Variants in TSHZ3 observed in about 807,000 individuals in gnomAD.
TSHZ3 encodes the protein teashirt zinc finger homeobox 3.
In TSHZ3, 10 loss-of-function variants were observed where a neutral mutation model predicts 64.5. The ratio of observed to expected loss-of-function variants is 0.16; its 90% CI spans 0.10 to 0.26. The LOEUF is 0.26. Among genes scored for constraint, TSHZ3 ranks in the 10% least tolerant of loss-of-function variants. The probability of loss-of-function intolerance (pLI) is 1.00; values close to 1 mark genes in which losing one functional copy is unlikely to be tolerated. For synonymous variants in TSHZ3, 608 were observed against 593.1 expected, an observed-to-expected ratio of 1.03 and a Z score of -0.36; for missense variants, 1,242 against 1,421.7, an observed-to-expected ratio of 0.87 and a Z score of 2.03.
intron 5 of TSHZ3, among the ~76,000 whole-genome samples, chr19:31,183,093 C>CT (rs1330706219): frequency 6.6e-6 from 1 of 152,056 alleles, no homozygotes; most frequent in African/African-American, 2.4e-5. Context: ...AACATCAACC[C>CT]TTCCCTGAGT....
chr19:31,164,491 C>G (rs1353118069), intron 5 of TSHZ3, among the ~76,000 whole-genome samples: 1 of 152,124 alleles, frequency 6.6e-6, no homozygotes. Context: ...GTGCTTGGCA[C>G]AGAGCACACA....
rs796748783 is a variant in TSHZ3 at position 31,171,683 on chromosome 19, C to T, written n.810-15266G>A. On this transcript the variant is annotated intron_variant and non_coding_transcript_variant, in intron 5 of 6. Transcript: ENST00000651361. ...GTTTCAAAAGAAAAGATATAATGGC[C>T]TATAAAAGGTATTTATGCCCAATAA... 4.6e-5 allele frequency among the ~76,000 whole-genome samples: 7 copies of T among 152,140 alleles called. 1 individual carries two copies. The highest frequency in any genetic ancestry group is 1.7e-4 in the African/African-American group (7 of 41,512).
intron 3 of TSHZ3, among the ~76,000 whole-genome samples, chr19:31,241,745 C>A (rs1975692496): frequency 6.6e-6 from 1 of 152,238 alleles, no homozygotes; most frequent in Non-Finnish European, 1.5e-5. Context: ...ACTATTACAA[C>A]CCCGGCAGGG....
At chr19:31,212,577 C>G (rs901700376) in intron 4 of TSHZ3, among the ~76,000 whole-genome samples, 2 of 152,122 alleles carry the variant, frequency 1.3e-5, no homozygotes, top group Non-Finnish European at 2.9e-5. Flanking sequence ...TAGACAAAAT[C>G]GAGAACACTG....
chr19:31,157,879 C>G (rs988217435), intron 5 of TSHZ3, among the ~76,000 whole-genome samples: 1 of 152,136 alleles, frequency 6.6e-6, no homozygotes, highest in East Asian at 1.9e-4. Context: ...ATGCAGGCCT[C>G]GATGTTTGAG....
At chr19:31,332,278 A>T (rs1477283101) in intron 1 of TSHZ3, among the ~76,000 whole-genome samples, 1 of 152,012 alleles carries the variant, frequency 6.6e-6, no homozygotes, top group African/African-American at 2.4e-5. Context: ...TGCGGCTCCC[A>T]CTCGCTCTGC....
Position 31,345,450 on chromosome 19 carries a change from T to C in TSHZ3, c.40+3730A>G, listed in dbSNP as rs147419309. Reference sequence around the variant, plus strand: ...CACCAGGTGGGCCACCTCTTAGGCATGCCCATGTCTACTGGCAACATGGAA... The same window carrying C: ...CACCAGGTGGGCCACCTCTTAGGCACGCCCATGTCTACTGGCAACATGGAA... On this transcript the variant is annotated intron_variant, in intron 1 of 1. Transcript: ENST00000240587. 1.2e-4 allele frequency among the ~76,000 whole-genome samples: 19 copies of C among 152,320 alleles called. No homozygotes were observed. In the East Asian group the frequency reaches 1.9e-3, roughly 15 times the overall value.
rs1976266440 is a variant in TSHZ3 at position 31,277,602 on chromosome 19, T to C, written c.2191A>G (p.Ile731Val). The change falls in exon 2 of 2, where the codon ATT (isoleucine) becomes GTT (valine). Residue 731 changes from isoleucine to valine, a missense_variant. By Grantham distance (29) the Ile-to-Val change is conservative. This residue lies in a region of TSHZ3 where 550 missense variants were observed against 545.1 expected (regional missense o/e 1.01). Transcript: ENST00000240587. The surrounding 1 kb of genome is among the most constrained non-coding windows in gnomAD (Gnocchi z 4.5). ...GGCTTGGCGGCCTTGCCCAGGTGAA[T>C]GTTCATGACTGACTGCAGGGCGCTC... ...PLSALQSVMN[I>V]HLGKAAKPSL... The C allele has an allele frequency of 6.3e-7, 1 of 1,587,360 alleles. No individual in the cohort carries two copies. Among genetic ancestry groups the C allele is most frequent in the African/African-American group, 1.3e-5 (1 of 74,246 alleles).
chr19:31,268,280 C>T (rs1233783127), intron 1 of TSHZ3, among the ~76,000 whole-genome samples: 1 of 152,130 alleles, frequency 6.6e-6, no homozygotes. Context: ...TAGCAGTGTG[C>T]TCTCTTTCTC....
At chr19:31,265,151 C>G (rs962840438) in intron 1 of TSHZ3, among the ~76,000 whole-genome samples, 1 of 151,880 alleles carries the variant, frequency 6.6e-6, no homozygotes. Context: ...AATCCTAGCA[C>G]GTTGGGAGGC....
At chr19:31,346,231 T>G (rs926283836) in intron 1 of TSHZ3, among the ~76,000 whole-genome samples, 3 of 152,174 alleles carry the variant, frequency 2.0e-5, no homozygotes, top group Non-Finnish European at 4.4e-5. Context: ...GCTCTTGGCC[T>G]TTTGTGGTTG....
rs189493770 is a variant in TSHZ3 at position 31,256,485 on chromosome 19, G to A, written n.64-13610C>T. Among the ~76,000 whole-genome samples, 301 of 152,270 alleles carry A rather than the reference G, an allele frequency of 2.0e-3. 1 individual carries two copies. Among genetic ancestry groups the A allele is most frequent in the African/African-American group, 6.8e-3 (283 of 41,554 alleles). ...GACAGATGTTTGCCCAGAGGGCCTC[G>A]GGAGTGACTGTCTGTGCCTGGGGGT... On this transcript the variant is annotated intron_variant and non_coding_transcript_variant, in intron 1 of 6. Transcript: ENST00000651361.
chr19:31,247,532 G>T (rs1975772591), intron 1 of TSHZ3, among the ~76,000 whole-genome samples: 1 of 152,160 alleles, frequency 6.6e-6, no homozygotes, highest in Non-Finnish European at 1.5e-5. Context: ...CAGTGTCATG[G>T]AACACAAAGG....
In TSHZ3 at chr19:31,276,802, T is replaced by G. The variant is rs748555496; in HGVS notation, c.2991A>C (p.Ser997=). 6.2e-7 allele frequency: 1 copy of G among 1,614,250 alleles called. No individual in the cohort carries two copies. Among genetic ancestry groups the G allele is most frequent in the Admixed American group, 1.7e-5 (1 of 60,030 alleles). Reference sequence around the variant, plus strand: ...AGTCCCGTAGCCGGAAGCCTAAGTGTGACTCTAGGTGACTGATGTACGTGG... The same window carrying G: ...AGTCCCGTAGCCGGAAGCCTAAGTGGGACTCTAGGTGACTGATGTACGTGG... ...TPSTYISHLE[S]HLGFRLRDLS... is the part of the protein sequence containing the mutation. Residue 997 remains serine, a synonymous_variant, in exon 2 of 2, where the codon TCA becomes TCC. Transcript: ENST00000240587.
At chr19:31,152,646 T>G (rs1974257136) in intron 6 of TSHZ3, among the ~76,000 whole-genome samples, 1 of 152,136 alleles carries the variant, frequency 6.6e-6, no homozygotes. Flanking sequence ...GAGCTAGAGT[T>G]CCTGATTAGG....
At chr19:31,349,505 TGGAGGA>T (rs956503059), upstream of TSHZ3, 3 of 307,188 alleles carry the variant, frequency 9.8e-6, no homozygotes, top group African/African-American at 8.0e-5. Flanking sequence ...GAGGAGGAGG[TGGAGGA>T]GGAGGAGGAG....
chr19:31,212,397 G>T (rs753571900), intron 4 of TSHZ3, among the ~76,000 whole-genome samples: 1 of 152,150 alleles, frequency 6.6e-6, no homozygotes, highest in African/African-American at 2.4e-5. Context: ...GTCGGAGGTT[G>T]CAGTGAGCCA....
chr19:31,188,743 T>G lies in TSHZ3; in HGVS notation n.809+16213A>C, dbSNP rs186140402. Among the ~76,000 whole-genome samples the G allele has an allele frequency of 5.7e-4, 86 of 152,058 alleles. 2 individuals carry two copies. The highest frequency in any genetic ancestry group is 1.9e-3 in the African/African-American group (81 of 41,568). On this transcript the variant is annotated intron_variant and non_coding_transcript_variant, in intron 5 of 6. Coordinates refer to the TSHZ3 transcript ENST00000651361. ...TTTAAGTTCATGAGAAATACTGGCT[T>G]GTAATTTTCTTTTATTTTAATGTTC...
In TSHZ3 at chr19:31,204,311, CCT is replaced by C. The variant is rs1395130714; in HGVS notation, n.809+643_809+644del. On this transcript the variant is annotated intron_variant and non_coding_transcript_variant, in intron 5 of 6. Coordinates refer to the TSHZ3 transcript ENST00000651361. ...TCCTTTTTTCTTTCCTCCCTTCCTC[CCT>C]CTCTCCTTTTCTTTCTTTCCCTTTC... 4.6e-5 allele frequency among the ~76,000 whole-genome samples: 7 copies of C among 150,986 alleles called. No homozygotes were observed. In the East Asian group the frequency reaches 1.2e-3, roughly 25 times the overall value.
Sources: gnomAD v4.1 joint callset for allele counts (sites outside exome capture counted in the v4.1 genomes callset) on GRCh38, gnomAD v4.1.1 for gene constraint, gnomAD v4.1.1 regional missense constraint, Gnocchi (gnomAD v3.1) non-coding constraint, MANE v1.5 for transcripts, NCBI Gene and HGNC (gene_info 2026-07-23, HGNC 2026-07-21) for gene names.